NCAM1: variants seen among roughly 807,000 people sequenced by gnomAD.
The protein encoded by NCAM1 is antigen recognized by monoclonal antibody 5.1H11.
In NCAM1, 14 loss-of-function variants were observed where a neutral mutation model predicts 109.8. The observed-to-expected ratio is 0.13, with a 90% CI of 0.08 to 0.20. The LOEUF (loss-of-function observed/expected upper bound fraction) is 0.20. Among genes scored for constraint, NCAM1 ranks in the 10% least tolerant of loss-of-function variants. NCAM1 has a pLI of 1.00. For synonymous variants in NCAM1, 418 were observed against 442.9 expected (o/e 0.94, Z 0.70); for missense variants, 774 against 1,109.9 (o/e 0.70, Z 4.30).
intron 1 of NCAM1, among the ~76,000 whole-genome samples, chr11:113,123,243 G>A (rs905097881): frequency 1.4e-4 from 21 of 152,128 alleles, no homozygotes; most frequent in Non-Finnish European, 1.5e-5. Flanking sequence ...AATGATAAAC[G>A]TTCCTGGCGA....
chr11:112,974,213 C>G (rs1950949474), intron 1 of NCAM1, among the ~76,000 whole-genome samples: 1 of 152,022 alleles, frequency 6.6e-6, no homozygotes, highest in African/African-American at 2.4e-5. Flanking sequence ...GCATCTTTTT[C>G]TTTCTTGATG....
chr11:112,978,515 T>C (rs1555068088), intron 1 of NCAM1, among the ~76,000 whole-genome samples: 1 of 151,850 alleles, frequency 6.6e-6, no homozygotes, highest in Non-Finnish European at 1.5e-5. Flanking sequence ...TGAGGCTTTC[T>C]TTTAATAAGA....
chr11:113,251,142 G>T (rs903450220), intron 15 of NCAM1, among the ~76,000 whole-genome samples: 3 of 152,330 alleles, frequency 2.0e-5, no homozygotes, highest in Middle Eastern at 3.4e-3. Context: ...TGGCACCCCA[G>T]CCTTTCATTC....
intron 9 of NCAM1, among the ~76,000 whole-genome samples, chr11:113,225,929 G>C (rs1555116129): frequency 6.6e-6 from 1 of 151,996 alleles, no homozygotes; most frequent in Admixed American, 6.6e-5. Flanking sequence ...GCTCCTGAAG[G>C]AAGCACTAAA....
chr11:113,197,247 TC>T, intron 1 of NCAM1: 1 of 219,556 alleles, frequency 4.6e-6, no homozygotes, highest in Non-Finnish European at 1.0e-5. Flanking sequence ...TATCTCACCA[TC>T]CCAGGCAAGT....
intron 9 of NCAM1, among the ~76,000 whole-genome samples, chr11:113,224,002 T>C (rs1360503152): frequency 1.3e-5 from 2 of 152,164 alleles, no homozygotes; most frequent in African/African-American, 4.8e-5. Flanking sequence ...GCTCCCAGCA[T>C]GAGCGACGCA....
At chr11:113,020,249 T>C (rs1427376986) in intron 1 of NCAM1, among the ~76,000 whole-genome samples, 1 of 152,224 alleles carries the variant, frequency 6.6e-6, no homozygotes, top group Non-Finnish European at 1.5e-5. Flanking sequence ...TTCATTGCAT[T>C]TGCTTTCTAT....
chr11:112,961,722 C>A, intron 1 of NCAM1, 58 bp downstream of exon 1: 10 of 1,038,030 alleles, frequency 9.6e-6, no homozygotes, highest in South Asian at 1.4e-5. Flanking sequence ...CTTCCTCCTA[C>A]TCCTAGGAGG....
chr11:112,984,802 C>G (rs1461380465), intron 1 of NCAM1, among the ~76,000 whole-genome samples: 4 of 151,662 alleles, frequency 2.6e-5, no homozygotes, highest in African/African-American at 9.7e-5. Flanking sequence ...AATATTAACC[C>G]CTTTTCTGAT....
intron 5 of NCAM1, among the ~76,000 whole-genome samples, chr11:113,207,051 CA>C (rs1247919000): frequency 6.6e-6 from 1 of 152,156 alleles, no homozygotes; most frequent in Middle Eastern, 3.2e-3. Flanking sequence ...TAATGAAAAA[CA>C]AAAATGCATG....
chr11:113,108,926 T>TG (rs1360779516), intron 1 of NCAM1, among the ~76,000 whole-genome samples: 1 of 151,138 alleles, frequency 6.6e-6, no homozygotes, highest in Non-Finnish European at 1.5e-5. Context: ...TTAGTAGAGG[T>TG]GGGGTTTCAC....
At chr11:113,040,481 T>C (rs1174078394) in intron 1 of NCAM1, among the ~76,000 whole-genome samples, 4 of 152,216 alleles carry the variant, frequency 2.6e-5, no homozygotes, top group Admixed American at 2.6e-4. Context: ...TCTGTTGCTC[T>C]GCTGTCATAG....
intron 1 of NCAM1, among the ~76,000 whole-genome samples, chr11:113,148,641 C>T (rs1555101838): frequency 6.6e-6 from 1 of 152,132 alleles, no homozygotes; most frequent in East Asian, 1.9e-4. Flanking sequence ...TTTAGTACGT[C>T]TCCTTATCTT....
intron 1 of NCAM1, among the ~76,000 whole-genome samples, chr11:112,978,592 C>T (rs1555068105): frequency 6.6e-6 from 1 of 151,772 alleles, no homozygotes; most frequent in African/African-American, 2.4e-5. Context: ...AAAGCTTTTC[C>T]TGATCTCCTA....
intron 1 of NCAM1, among the ~76,000 whole-genome samples, chr11:113,042,273 C>G (rs1176419762): frequency 6.6e-6 from 1 of 152,130 alleles, no homozygotes; most frequent in African/African-American, 2.4e-5. Flanking sequence ...CTTTTCCTTC[C>G]ACTCCTGACT....
At chr11:113,181,956 C>T (rs978480871) in intron 1 of NCAM1, among the ~76,000 whole-genome samples, 1 of 152,148 alleles carries the variant, frequency 6.6e-6, no homozygotes, top group Non-Finnish European at 1.5e-5. Context: ...ATTCGGAATA[C>T]ACATGTCTAA....
intron 1 of NCAM1, among the ~76,000 whole-genome samples, chr11:113,152,480 G>A (rs782132095): frequency 5.9e-5 from 9 of 152,346 alleles, no homozygotes; most frequent in East Asian, 3.9e-4. Flanking sequence ...TTAAAAATGC[G>A]TATTTCCAAC....
At chr11:113,041,737 C>T (rs1333565487) in intron 1 of NCAM1, among the ~76,000 whole-genome samples, 1 of 152,134 alleles carries the variant, frequency 6.6e-6, no homozygotes, top group Non-Finnish European at 1.5e-5. Flanking sequence ...ACAGCAACAT[C>T]ACCCTGAACC....
At chr11:113,237,978 A>G (rs1555118640) in intron 14 of NCAM1, among the ~76,000 whole-genome samples, 1 of 149,536 alleles carries the variant, frequency 6.7e-6, no homozygotes, top group African/African-American at 2.4e-5. Flanking sequence ...AGATATAGAT[A>G]TATATCTCAG....
Sources: allele counts gnomAD v4.1 joint callset (sites outside exome capture counted in the v4.1 genomes callset), GRCh38; gene constraint gnomAD v4.1.1; transcripts MANE v1.5; gene names NCBI Gene and HGNC (gene_info 2026-07-23, HGNC 2026-07-21).